Variants in SBF2 observed in about 807,000 individuals in gnomAD.
The protein encoded by SBF2 is SET binding factor 2, also known as myotubularin-related protein 13.
In SBF2, 112 loss-of-function variants were observed where a neutral mutation model predicts 225.2. The ratio of observed to expected loss-of-function variants is 0.50; its 90% CI spans 0.43 to 0.58. The LOEUF is 0.58. Ranked by LOEUF, SBF2 falls within the 20% of genes least tolerant of loss-of-function variation. SBF2 has a pLI of 0.00. For missense variants in SBF2, 1,996 were observed against 2,206.2 expected, an observed-to-expected ratio of 0.90 and a Z score of 1.91; for synonymous variants, 763 against 773.3, an observed-to-expected ratio of 0.99 and a Z score of 0.22.
At chr11:10,050,837 G>C (rs1335254192) in intron 2 of SBF2, among the ~76,000 whole-genome samples, 2 of 152,146 alleles carry the variant, frequency 1.3e-5, no homozygotes, top group African/African-American at 4.8e-5. Context: ...ATACTACTCA[G>C]ATGGTGCATA....
intron 1 of SBF2, among the ~76,000 whole-genome samples, chr11:10,205,646 A>C (rs1354122427): frequency 6.6e-6 from 1 of 152,034 alleles, no homozygotes; most frequent in Non-Finnish European, 1.5e-5. Flanking sequence ...CAGAACCATG[A>C]GCAGGGGATA....
chr11:9,853,510 C>G (rs749319979), intron 20 of SBF2, 30 bp downstream of exon 20: 9 of 1,600,976 alleles, frequency 5.6e-6, no homozygotes, highest in Non-Finnish European at 7.7e-6. Context: ...CTCCAATATT[C>G]TGATTCTCTA....
At chr11:9,896,518 G>A (rs762058161) in intron 16 of SBF2, among the ~76,000 whole-genome samples, 5 of 152,042 alleles carry the variant, frequency 3.3e-5, no homozygotes, top group East Asian at 3.8e-4. Context: ...CAGGCTGGGC[G>A]CGGTGGCTCA....
intron 1 of SBF2, among the ~76,000 whole-genome samples, chr11:10,207,183 CACA>C (rs1957779438): frequency 6.6e-6 from 1 of 151,982 alleles, no homozygotes; most frequent in South Asian, 2.1e-4. Flanking sequence ...AAGAAAGCAG[CACA>C]ACATTTTTCA....
intron 16 of SBF2, among the ~76,000 whole-genome samples, chr11:9,953,899 T>C (rs1866002528): frequency 6.6e-6 from 1 of 152,136 alleles, no homozygotes; most frequent in Non-Finnish European, 1.5e-5. Context: ...CATAGAAGAC[T>C]TCACTGGGTT....
intron 2 of SBF2, among the ~76,000 whole-genome samples, chr11:10,049,731 T>C (rs929528589): frequency 6.6e-6 from 1 of 152,222 alleles, no homozygotes; most frequent in South Asian, 2.1e-4. Flanking sequence ...GTATGGGAAC[T>C]GCTATTTTAA....
At chr11:10,199,978 G>A (rs868809973) in intron 1 of SBF2, among the ~76,000 whole-genome samples, 10 of 152,184 alleles carry the variant, frequency 6.6e-5, no homozygotes, top group South Asian at 4.1e-4. Context: ...GGAATTAAAA[G>A]CAGGATGTTG....
At chr11:10,199,321 T>C (rs1484022004) in intron 1 of SBF2, among the ~76,000 whole-genome samples, 4 of 151,980 alleles carry the variant, frequency 2.6e-5, no homozygotes, top group Admixed American at 6.6e-5. Context: ...GTCTGTGGCA[T>C]GCCAAAACAA....
At chr11:10,036,864 A>G (rs1206342556) in intron 3 of SBF2, among the ~76,000 whole-genome samples, 1 of 152,224 alleles carries the variant, frequency 6.6e-6, no homozygotes, top group East Asian at 1.9e-4. Flanking sequence ...ATTTGAATGT[A>G]GTAATTTTTG....
chr11:10,016,777 TGC>T (rs1948669220), intron 6 of SBF2: 1 of 152,184 alleles, frequency 6.6e-6, no homozygotes, highest in Non-Finnish European at 1.5e-5. Context: ...TGAGCCACCG[TGC>T]CTGGCAAGTT....
At chr11:9,845,314 C>T (rs1856460688) in intron 24 of SBF2, among the ~76,000 whole-genome samples, 1 of 152,166 alleles carries the variant, frequency 6.6e-6, no homozygotes, top group Admixed American at 6.6e-5. Context: ...AATAGAATTT[C>T]ACATTCTAAA....
At chr11:10,045,367 A>G (rs57226945) in intron 2 of SBF2, among the ~76,000 whole-genome samples, 2,200 of 152,092 alleles carry the variant, frequency 0.014, 37 homozygotes, top group African/African-American at 0.037. Context: ...GGGTTTTGCA[A>G]TGTTGGCCAG....
intron 33 of SBF2, among the ~76,000 whole-genome samples, chr11:9,791,857 C>G (rs1352500218): frequency 6.6e-6 from 1 of 152,156 alleles, no homozygotes; most frequent in African/African-American, 2.4e-5. Flanking sequence ...GAGCTGAAAC[C>G]AGAAGAGGAG....
chr11:10,105,971 A>G (rs966892101), intron 2 of SBF2, among the ~76,000 whole-genome samples: 1 of 152,234 alleles, frequency 6.6e-6, no homozygotes, highest in African/African-American at 2.4e-5. Context: ...TATCTTCAAA[A>G]GTGACTTCAT....
intron 17 of SBF2, among the ~76,000 whole-genome samples, chr11:9,865,120 T>C (rs950895559): frequency 2.0e-5 from 3 of 152,166 alleles, no homozygotes; most frequent in Admixed American, 6.5e-5. Flanking sequence ...CTCACTATGA[T>C]GCCTAGGCTG....
chr11:10,266,962 C>T (rs1333523806), intron 1 of SBF2, among the ~76,000 whole-genome samples: 2 of 152,188 alleles, frequency 1.3e-5, no homozygotes, highest in African/African-American at 4.8e-5. Flanking sequence ...AGTGTAGTGG[C>T]ACATGCCTTT....
In SBF2 at chr11:10,193,571, A is replaced by C. The variant is rs141323569; in HGVS notation, c.141+331T>G. ...CGTTTCACCGTGTTACCAGGATGGT[A>C]TCAATCTCCTTACCTCGTAATCCGC... On this transcript the variant is annotated intron_variant, in intron 2 of 39. Transcript: ENST00000256190. Among the ~76,000 whole-genome samples, 255 of 152,084 alleles carry C rather than the reference A, an allele frequency of 1.7e-3. 1 individual carries two copies. Among genetic ancestry groups the C allele is most frequent in the East Asian group, 0.013 (67 of 5,166 alleles).
chr11:10,041,613 C>T (rs1427910868), intron 3 of SBF2, among the ~76,000 whole-genome samples: 2 of 152,188 alleles, frequency 1.3e-5, no homozygotes, highest in African/African-American at 4.8e-5. Flanking sequence ...AGTTTTAACA[C>T]ATCAGTCTAA....
intron 2 of SBF2, among the ~76,000 whole-genome samples, chr11:10,093,028 T>G (rs1657292207): frequency 6.6e-6 from 1 of 151,828 alleles, no homozygotes; most frequent in Non-Finnish European, 1.5e-5. Flanking sequence ...TTTCTTTTTT[T>G]TTTTGTTTGA....
Sources: allele counts gnomAD v4.1 joint callset (sites outside exome capture counted in the v4.1 genomes callset), GRCh38; gene constraint gnomAD v4.1.1; transcripts MANE v1.5; gene names NCBI Gene and HGNC (gene_info 2026-07-23, HGNC 2026-07-21).